AGTPBP1: variants seen among roughly 807,000 people sequenced by gnomAD.
The protein encoded by AGTPBP1 is cytosolic carboxypeptidase 1.
In AGTPBP1, 70 loss-of-function variants were observed where a neutral mutation model predicts 143.9. The observed-to-expected ratio is 0.49, with a 90% CI of 0.40 to 0.59. The LOEUF (loss-of-function observed/expected upper bound fraction) is 0.59, where lower values mean the gene tolerates loss of function less well. Among genes scored for constraint, AGTPBP1 ranks in the 20% least tolerant of loss-of-function variants. The pLI, the probability that AGTPBP1 is intolerant of heterozygous loss-of-function variation, is 0.00. For synonymous variants in AGTPBP1, 463 were observed against 500.2 expected (o/e 0.93, Z 0.99); for missense variants, 1,229 against 1,464.5 (o/e 0.84, Z 2.62).
Position 85,586,833 on chromosome 9 carries a change from AGG to A in AGTPBP1, c.3029_3030del (p.Pro1010LeufsTer5). The A allele has an allele frequency of 6.2e-7, 1 of 1,612,812 alleles. No individual in the cohort carries two copies. Among genetic ancestry groups the A allele is most frequent in the Non-Finnish European group, 8.5e-7 (1 of 1,179,164 alleles). ...TAAAAACAAGTATTGCTACTTACCAAGGGTAAACGCTTCACTGCAGCCAAGTA... is the reference window on the plus strand; with the variant it reads ...TAAAAACAAGTATTGCTACTTACCAAGTAAACGCTTCACTGCAGCCAAGTA... The part of the protein sequence containing the change: ...LQYLAAVKRL[P>X]LVYCDYHGHS... On this transcript the variant is annotated frameshift_variant, in exon 22 of 26. Transcript: ENST00000357081. LOFTEE classifies it high-confidence loss of function.
chr9:85,741,425 G>A, intron 1 of AGTPBP1: 1 of 985,214 alleles, frequency 1.0e-6, no homozygotes, highest in Non-Finnish European at 1.2e-6. Flanking sequence ...GGCGCCGCGA[G>A]CTCGGGCCCG....
intron 25 of AGTPBP1, among the ~76,000 whole-genome samples, chr9:85,559,249 C>A (rs1475247721): frequency 6.6e-6 from 1 of 151,976 alleles, no homozygotes; most frequent in African/African-American, 2.4e-5. Context: ...TTATACAACA[C>A]AAATGGGTAA....
intron 8 of AGTPBP1, among the ~76,000 whole-genome samples, chr9:85,662,816 T>C (rs1833922696): frequency 6.6e-6 from 1 of 152,164 alleles, no homozygotes; most frequent in African/African-American, 2.4e-5. Flanking sequence ...GAGAAGGCTA[T>C]CTGAACTTTC....
intron 2 of AGTPBP1, among the ~76,000 whole-genome samples, chr9:85,705,714 G>A (rs1000297638): frequency 1.3e-5 from 2 of 151,916 alleles, no homozygotes; most frequent in African/African-American, 2.4e-5. Flanking sequence ...TTTTTGAGAC[G>A]GAGTCTCGCT....
At chr9:85,603,277 C>A (rs922252888) in intron 17 of AGTPBP1, among the ~76,000 whole-genome samples, 169 of 152,220 alleles carry the variant, frequency 1.1e-3, no homozygotes, top group African/African-American at 3.9e-3. Context: ...AGAGTGGAGA[C>A]GGGAGAGTAA....
chr9:85,648,279 T>C (rs1389024275), intron 11 of AGTPBP1, among the ~76,000 whole-genome samples: 1 of 152,190 alleles, frequency 6.6e-6, no homozygotes, highest in African/African-American at 2.4e-5. Context: ...TGCTGTTGCT[T>C]GAGGGACTGT....
At chr9:85,755,101 G>A in the AGTPBP1 span, among the ~76,000 whole-genome samples, 1 of 152,056 alleles carries the variant, frequency 6.6e-6, no homozygotes, top group African/African-American at 2.4e-5. Flanking sequence ...TTAATATCCT[G>A]GTGTTATTGG....
chr9:85,575,311 C>T lies in AGTPBP1; in HGVS notation c.3503+4G>A, dbSNP rs1475058307. On this transcript the variant is annotated splice_donor_region_variant and intron_variant, in intron 25 of 25. Coordinates refer to ENST00000357081, the MANE Select transcript of AGTPBP1 (RefSeq NM_001330701.2). ...TAATAAAAGAAAAAACAATTTTTTC[C>T]TACCTAGTTACTTTGCAGCTTGATT... The T allele has an allele frequency of 6.4e-7, 1 of 1,565,084 alleles. No homozygotes were observed. The highest frequency in any genetic ancestry group is 8.6e-7 in the Non-Finnish European group (1 of 1,165,226).
Position 85,646,506 on chromosome 9 carries a change from AT to A in AGTPBP1, c.1088-89del, listed in dbSNP as rs1363482147. 17 of 887,246 alleles carry A rather than the reference AT, an allele frequency of 1.9e-5. No homozygotes were observed. The African/African-American group carries it at 2.7e-4, about 14-fold the overall frequency. 55.0% of individuals were successfully genotyped at this position (887,246 alleles called of 1,614,324 possible). On this transcript the variant is annotated intron_variant, in intron 11 of 25. Transcript: ENST00000357081. ...TGGTAGAATGTGACTTATATAAAGT[AT>A]TTCAATCACCAGAGAAAAAGTAAAT...
intron 2 of AGTPBP1, among the ~76,000 whole-genome samples, chr9:85,702,564 GTT>G (rs563827349): frequency 9.4e-5 from 13 of 138,624 alleles, no homozygotes; most frequent in African/African-American, 3.4e-4. Flanking sequence ...TACATCATCA[GTT>G]TTTTTTTTTT....
intron 6 of AGTPBP1, among the ~76,000 whole-genome samples, chr9:85,675,669 C>T (rs1391523122): frequency 6.6e-6 from 1 of 152,204 alleles, no homozygotes; most frequent in Non-Finnish European, 1.5e-5. Context: ...TTTTCTACCA[C>T]ATGCAATAGA....
intron 11 of AGTPBP1, among the ~76,000 whole-genome samples, chr9:85,652,277 G>A (rs980233749): frequency 2.6e-5 from 4 of 152,158 alleles, no homozygotes; most frequent in Non-Finnish European, 4.4e-5. Flanking sequence ...TTGGGAGGCT[G>A]AGGCAGGCGG....
chr9:85,683,824 T>G (rs536238088), intron 3 of AGTPBP1, among the ~76,000 whole-genome samples: 1 of 152,108 alleles, frequency 6.6e-6, no homozygotes, highest in African/African-American at 2.4e-5. Context: ...TTATAAAGAC[T>G]ATATAAACCT....
intron 13 of AGTPBP1, among the ~76,000 whole-genome samples, chr9:85,637,503 T>A (rs1832148531): frequency 6.6e-6 from 1 of 152,206 alleles, no homozygotes; most frequent in African/African-American, 2.4e-5. Flanking sequence ...CACTGTTATA[T>A]GCAGCAACAT....
intron 14 of AGTPBP1, among the ~76,000 whole-genome samples, chr9:85,625,909 T>TG (rs1554708790): frequency 1.5e-5 from 2 of 135,334 alleles, no homozygotes; most frequent in Non-Finnish European, 3.2e-5. Flanking sequence ...GTTTTGTTTT[T>TG]TTTTTTTTTT....
At chr9:85,694,261 G>A (rs1277355372) in intron 2 of AGTPBP1, among the ~76,000 whole-genome samples, 1 of 152,056 alleles carries the variant, frequency 6.6e-6, no homozygotes, top group African/African-American at 2.4e-5. Flanking sequence ...CATTCTCAAA[G>A]TACTTGCTTT....
intron 1 of AGTPBP1, among the ~76,000 whole-genome samples, chr9:85,723,660 G>A (rs1000199542): frequency 6.6e-6 from 1 of 152,144 alleles, no homozygotes; most frequent in African/African-American, 2.4e-5. Context: ...CAGGTGAGGC[G>A]CTGCTTCAGC....
intron 3 of AGTPBP1, among the ~76,000 whole-genome samples, chr9:85,690,599 A>G (rs73478990): frequency 0.035 from 5,301 of 151,838 alleles, 327 homozygotes; most frequent in African/African-American, 0.12. Context: ...GAGTACTTTC[A>G]GTGGTGGGAA....
At chr9:85,728,030 T>TATATACACACACACAC (rs71505763) in intron 1 of AGTPBP1, among the ~76,000 whole-genome samples, 1 of 128,328 alleles carries the variant, frequency 7.8e-6, no homozygotes, top group African/African-American at 2.9e-5. Context: ...TATATTTATA[T>TATATACACACACACAC]ACACACACAC....
Sources: gnomAD v4.1 joint callset for allele counts (sites outside exome capture counted in the v4.1 genomes callset) on GRCh38, gnomAD v4.1.1 for gene constraint, MANE v1.5 for transcripts, NCBI Gene and HGNC (gene_info 2026-07-23, HGNC 2026-07-21) for gene names.